The following BTBD10 variants were observed in gnomAD, a reference collection of about 807,000 sequenced individuals.
BTBD10 encodes BTB/POZ domain-containing protein 10.
A neutral mutation model predicts 53.2 loss-of-function variants in BTBD10; 21 were observed. The observed-to-expected ratio is 0.39, with a 90% CI of 0.28 to 0.57. The LOEUF is 0.57. Ranked by LOEUF, BTBD10 falls within the 20% of genes least tolerant of loss-of-function variation. The pLI is 0.53. For missense variants in BTBD10, 360 were observed against 594.7 expected, an observed-to-expected ratio of 0.61 and a Z score of 4.10; for synonymous variants, 149 against 192.7, an observed-to-expected ratio of 0.77 and a Z score of 1.88.
rs1398400920 is a variant in BTBD10 at position 13,388,721 on chromosome 11, C to T, written c.*110G>A. On this transcript the variant is annotated 3_prime_UTR_variant, in exon 9 of 9. Transcript: ENST00000278174. Reference sequence around the variant, plus strand: ...AAAGCCTACACTGCAATATCCTAAACATTGTTATGTGCATCTCACAATGAA... The same window carrying T: ...AAAGCCTACACTGCAATATCCTAAATATTGTTATGTGCATCTCACAATGAA... 2 of 1,234,300 alleles carry T rather than the reference C, an allele frequency of 1.6e-6. No individual in the cohort carries two copies. Among genetic ancestry groups the T allele is most frequent in the Non-Finnish European group, 2.3e-6 (2 of 887,252 alleles). 76.5% of individuals were successfully genotyped at this position (1,234,300 alleles called of 1,614,324 possible).
chr11:13,417,704 A>G (rs1013427623), intron 4 of BTBD10, among the ~76,000 whole-genome samples: 2 of 152,216 alleles, frequency 1.3e-5, no homozygotes, highest in Non-Finnish European at 2.9e-5. Flanking sequence ...AACTGAGACA[A>G]AGTGATATGA....
intron 6 of BTBD10, 145 bp downstream of exon 6, chr11:13,413,385 C>T (rs527241660): frequency 1.7e-6 from 1 of 583,560 alleles, no homozygotes; most frequent in Admixed American, 4.0e-5. Flanking sequence ...TGCAAGCTTT[C>T]ATTAATAATC....
At chr11:13,448,790 A>G (rs958706949) in intron 1 of BTBD10, among the ~76,000 whole-genome samples, 1 of 152,184 alleles carries the variant, frequency 6.6e-6, no homozygotes, top group Non-Finnish European at 1.5e-5. Flanking sequence ...ACTCCTTACT[A>G]TAAAAAGGTC....
At chr11:13,435,617 C>A (rs913897916) in intron 2 of BTBD10, among the ~76,000 whole-genome samples, 2 of 152,142 alleles carry the variant, frequency 1.3e-5, no homozygotes, top group Admixed American at 6.5e-5. Context: ...CTCAGACTCC[C>A]AAGTAGCTGG....
chr11:13,412,803 G>A (rs1473444468), intron 6 of BTBD10, among the ~76,000 whole-genome samples: 4 of 152,126 alleles, frequency 2.6e-5, no homozygotes, highest in African/African-American at 4.8e-5. Flanking sequence ...CCACTTAAGT[G>A]TTGGCTTAAG....
intron 2 of BTBD10, among the ~76,000 whole-genome samples, chr11:13,441,415 T>C (rs1298875895): frequency 1.3e-5 from 2 of 152,066 alleles, no homozygotes; most frequent in Admixed American, 6.6e-5. Flanking sequence ...TACACAATTA[T>C]GTGCCAATTT....
intron 2 of BTBD10, among the ~76,000 whole-genome samples, chr11:13,429,489 T>A (rs1206915976): frequency 6.6e-6 from 1 of 152,044 alleles, no homozygotes; most frequent in Admixed American, 6.5e-5. Context: ...AGAACTCACA[T>A]ACATATATAT....
At chr11:13,455,411 T>G (rs1950943817) in intron 1 of BTBD10, among the ~76,000 whole-genome samples, 1 of 152,224 alleles carries the variant, frequency 6.6e-6, no homozygotes, top group Non-Finnish European at 1.5e-5. Flanking sequence ...AAATGAAGTG[T>G]TATTCATTTG....
intron 6 of BTBD10, among the ~76,000 whole-genome samples, chr11:13,412,794 C>T (rs777280608): frequency 3.9e-5 from 6 of 152,200 alleles, no homozygotes; most frequent in Non-Finnish European, 7.3e-5. Flanking sequence ...CTTCTCCAAC[C>T]ACTTAAGTGT....
intron 8 of BTBD10, among the ~76,000 whole-genome samples, chr11:13,399,667 T>C (rs889933775): frequency 6.6e-6 from 1 of 152,166 alleles, no homozygotes; most frequent in Non-Finnish European, 1.5e-5. Context: ...TTTTTCCCCA[T>C]CTTTGTGGTT....
At chr11:13,450,386 A>C (rs1451230236) in intron 1 of BTBD10, among the ~76,000 whole-genome samples, 1 of 152,212 alleles carries the variant, frequency 6.6e-6, no homozygotes, top group Non-Finnish European at 1.5e-5. Flanking sequence ...ATTTTGTACT[A>C]ACGACAAAGA....
chr11:13,452,778 A>G (rs1192375797), intron 1 of BTBD10, among the ~76,000 whole-genome samples: 1 of 152,244 alleles, frequency 6.6e-6, no homozygotes, highest in South Asian at 2.1e-4. Context: ...CGTGAAATGA[A>G]GAAAATAACA....
At chr11:13,424,722 AC>A (rs1950304864) in intron 2 of BTBD10, among the ~76,000 whole-genome samples, 1 of 152,116 alleles carries the variant, frequency 6.6e-6, no homozygotes, top group South Asian at 2.1e-4. Flanking sequence ...CTGAGTTCAT[AC>A]TCTTGTCTGA....
intron 2 of BTBD10, among the ~76,000 whole-genome samples, chr11:13,422,150 G>A (rs1270197225): frequency 1.3e-5 from 2 of 152,140 alleles, no homozygotes; most frequent in East Asian, 3.9e-4. Flanking sequence ...TATCTTAAAT[G>A]TTATTCAGAT....
At chr11:13,414,388 T>C (rs1165979915) in intron 5 of BTBD10, among the ~76,000 whole-genome samples, 1 of 152,132 alleles carries the variant, frequency 6.6e-6, no homozygotes, top group Non-Finnish European at 1.5e-5. Flanking sequence ...GTACCATGAC[T>C]CACGCCTATA....
At chr11:13,397,847 T>C (rs1246752886) in intron 8 of BTBD10, among the ~76,000 whole-genome samples, 4 of 152,110 alleles carry the variant, frequency 2.6e-5, no homozygotes, top group Admixed American at 6.6e-5. Flanking sequence ...TGTAGTTGAG[T>C]GGTTTTGAGT....
At chr11:13,425,447 G>T (rs1156325660) in intron 2 of BTBD10, among the ~76,000 whole-genome samples, 1 of 151,980 alleles carries the variant, frequency 6.6e-6, no homozygotes, top group Non-Finnish European at 1.5e-5. Context: ...GGCATGCAAA[G>T]AAGTGAGAAC....
chr11:13,430,611 C>T (rs1291351471), intron 2 of BTBD10, among the ~76,000 whole-genome samples: 1 of 152,002 alleles, frequency 6.6e-6, no homozygotes, highest in East Asian at 1.9e-4. Flanking sequence ...CAGCTCAAAA[C>T]TGGAAAAAAC....
Position 13,414,844 on chromosome 11 carries a change from GAAAAAA to G in BTBD10, c.688-1200_688-1195del, listed in dbSNP as rs71041526. On this transcript the variant is annotated intron_variant, in intron 5 of 8. Transcript: ENST00000278174. Reference sequence around the variant, plus strand: ...GACGGAGCGAGCCTCCATCTCAAACGAAAAAAAAAAAAAAAAAAAAAGAAAAGACCT... The same window carrying G: ...GACGGAGCGAGCCTCCATCTCAAACGAAAAAAAAAAAAAAAGAAAAGACCT... Among the ~76,000 whole-genome samples, 787 of 85,134 alleles carry G rather than the reference GAAAAAA, an allele frequency of 9.2e-3. 7 individuals carry two copies. Among genetic ancestry groups the G allele is most frequent in the African/African-American group, 0.035 (753 of 21,246 alleles). The allele number at this position is 85,134 out of a possible 152,430, so 55.9% of individuals were successfully genotyped here. A position where few individuals can be genotyped will look rare whatever the true frequency, so the allele number is the denominator to read the frequency against.
Sources: gnomAD v4.1 joint callset for allele counts (sites outside exome capture counted in the v4.1 genomes callset) on GRCh38, gnomAD v4.1.1 for gene constraint, MANE v1.5 for transcripts, NCBI Gene and HGNC (gene_info 2026-07-23, HGNC 2026-07-21) for gene names.